BICD2: variants seen among roughly 807,000 people sequenced by gnomAD.
BICD2 encodes BICD cargo adaptor 2.
A neutral mutation model predicts 72.9 loss-of-function variants in BICD2; 25 were observed. That is an observed-to-expected ratio of 0.34 (90% CI 0.25 to 0.48). BICD2 has a LOEUF of 0.48. Ranked by LOEUF, BICD2 falls within the 20% of genes least tolerant of loss-of-function variation. BICD2 has a pLI of 0.99. For synonymous variants in BICD2, 501 were observed against 516.1 expected (o/e 0.97, Z 0.40); for missense variants, 894 against 1,175.2 (o/e 0.76, Z 3.50).
At chr9:92,744,295 C>A (rs1853961040) in intron 1 of BICD2, among the ~76,000 whole-genome samples, 1 of 152,162 alleles carries the variant, frequency 6.6e-6, no homozygotes, top group African/African-American at 2.4e-5. Context: ...AAGTACGGTG[C>A]AACTCCATCT....
intron 1 of BICD2, among the ~76,000 whole-genome samples, chr9:92,750,893 C>T (rs1854132864): frequency 6.6e-6 from 1 of 151,998 alleles, no homozygotes; most frequent in Admixed American, 6.6e-5. Flanking sequence ...GAATAAAGTA[C>T]TAACTTAAGT....
At chr9:92,755,172 G>A (rs1854230281) in intron 1 of BICD2, among the ~76,000 whole-genome samples, 1 of 152,210 alleles carries the variant, frequency 6.6e-6, no homozygotes, top group African/African-American at 2.4e-5. Context: ...GATTGCAGAG[G>A]TGAGATAGAC....
chr9:92,753,488 A>G (rs1401763820), intron 1 of BICD2, among the ~76,000 whole-genome samples: 1 of 152,196 alleles, frequency 6.6e-6, no homozygotes, highest in South Asian at 2.1e-4. Flanking sequence ...AAAATTTTCT[A>G]AAGTAGTTCA....
At chr9:92,724,859 CCTG>C in intron 2 of BICD2, among the ~76,000 whole-genome samples, 1 of 152,280 alleles carries the variant, frequency 6.6e-6, no homozygotes, top group South Asian at 2.1e-4. Flanking sequence ...TTGCCCAGTT[CCTG>C]CTTTTTCCTT....
Position 92,719,053 on chromosome 9 carries a change from C to A in BICD2, c.1592G>T (p.Ser531Ile), listed in dbSNP as rs1287163670. The A allele has an allele frequency of 3.1e-6, 5 of 1,612,894 alleles. No homozygotes were observed. Among genetic ancestry groups the A allele is most frequent in the Non-Finnish European group, 4.2e-6 (5 of 1,179,990 alleles). The stretch of plus-strand genomic sequence containing the variant: ...GTGGTAGAGATTGGCCAGCTCCTCA[C>A]TGAAGGTCACCAGCTCATCCTGGGC... The part of the protein sequence containing the change: ...SVAQDELVTF[S>I]EELANLYHHV... The change falls in exon 5 of 7, where the codon AGT (serine) becomes ATT (isoleucine). Residue 531 changes from serine to isoleucine, a missense_variant. Coordinates refer to ENST00000356884, the MANE Select transcript of BICD2 (RefSeq NM_001003800.2).
intron 1 of BICD2, among the ~76,000 whole-genome samples, chr9:92,760,259 T>C (rs932904551): frequency 6.6e-6 from 1 of 152,172 alleles, no homozygotes; most frequent in African/African-American, 2.4e-5. Context: ...ATCCACCTGC[T>C]AAGCCACAAA....
At chr9:92,757,307 G>A (rs1854279525) in intron 1 of BICD2, among the ~76,000 whole-genome samples, 4 of 81,882 alleles carry the variant, frequency 4.9e-5, no homozygotes, top group East Asian at 4.4e-4. Context: ...GAACGAGACT[G>A]TCTCCAAAAA....
In BICD2 at chr9:92,731,792, C is replaced by T. The variant is rs1853684590; in HGVS notation, c.241-2556G>A. Among the ~76,000 whole-genome samples, 3 of 152,320 alleles carry T rather than the reference C, an allele frequency of 2.0e-5. No individual in the cohort carries two copies. In the South Asian group the frequency reaches 6.2e-4, roughly 32 times the overall value. On this transcript the variant is annotated intron_variant, in intron 1 of 6. Transcript: ENST00000356884. Reference sequence around the variant, plus strand: ...AGCTGAAGAAGTCACTGAAGGACCACTGAGGGGGCAGAGAAAGCAATCCCC... The same window carrying T: ...AGCTGAAGAAGTCACTGAAGGACCATTGAGGGGGCAGAGAAAGCAATCCCC...
chr9:92,729,655 A>G, intron 1 of BICD2, among the ~76,000 whole-genome samples: 1 of 152,206 alleles, frequency 6.6e-6, no homozygotes, highest in East Asian at 1.9e-4. Flanking sequence ...GAGTCTGTCC[A>G]TCCTGCTGCC....
rs1854440624 is a variant in BICD2, at chr9:92,764,521, A to C, written c.224T>G (p.Met75Arg). The change falls in exon 1 of 7, where the codon ATG becomes AGG. Residue 75 changes from methionine (M) to arginine (R), a missense_variant. Coordinates refer to ENST00000356884, the MANE Select transcript of BICD2 (RefSeq NM_001003800.2). This position sits in a 1 kb window ranked among gnomAD's most constrained non-coding sequence, Gnocchi z 5.5. ...EVDYEAIRSE[M>R]EQLKEAFGQA... is the part of the protein sequence containing the mutation. ...TCGGCTCACCTCCTTGAGCTGCTCC[A>C]TCTCGCTGCGGATAGCCTCATAGTC... 1 of 1,535,700 alleles carries C rather than the reference A, an allele frequency of 6.5e-7. No individual in the cohort carries two copies. Among genetic ancestry groups the C allele is most frequent in the African/African-American group, 1.4e-5 (1 of 71,410 alleles).
At position 92,764,031 on chromosome 9, in the gene BICD2, G is replaced by A. The variant is rs931998699; in HGVS notation, c.240+474C>T. Among the ~76,000 whole-genome samples the A allele has an allele frequency of 3.3e-5, 5 of 152,322 alleles. No homozygotes were observed. The highest frequency in any genetic ancestry group is 6.8e-3 in the Middle Eastern group (2 of 294). On this transcript the variant is annotated intron_variant, in intron 1 of 6. Coordinates refer to ENST00000356884, the MANE Select transcript of BICD2 (RefSeq NM_001003800.2). The surrounding 1 kb of genome is among the most constrained non-coding windows in gnomAD (Gnocchi z 5.5). ...CCGAAAGTAGCTGCGCCCAGAGAGG[G>A]GAAGTGCTTTCTCTGAAGGTGACAG...
Position 92,714,803 on chromosome 9 carries a change from G to A in BICD2, c.*351C>T. On this transcript the variant is annotated 3_prime_UTR_variant, in exon 7 of 7. Coordinates refer to ENST00000356884, the MANE Select transcript of BICD2 (RefSeq NM_001003800.2). ...TCAGGTTCTGCCCCTTTTGGGTGCT[G>A]AGGGAGCAGGACCAGGACTCCTCCC... is the stretch of plus-strand genomic sequence containing the variant. 1 of 1,051,094 alleles carries A rather than the reference G, an allele frequency of 9.5e-7. No homozygotes were observed. 65.1% of individuals were successfully genotyped at this position (1,051,094 alleles called of 1,614,324 possible). A position where few individuals can be genotyped will look rare whatever the true frequency, so the allele number is the denominator to read the frequency against.
At position 92,764,729 on chromosome 9, in the gene BICD2, C is replaced by G; in HGVS notation, c.16G>C (p.Glu6Gln). 3 of 1,572,342 alleles carry G rather than the reference C, an allele frequency of 1.9e-6. No individual in the cohort carries two copies. Among genetic ancestry groups the G allele is most frequent in the Non-Finnish European group, 2.6e-6 (3 of 1,168,036 alleles). Residue 6 changes from glutamate to glutamine, a missense_variant, in exon 1 of 7, where the codon GAG (glutamate) becomes CAG (glutamine). Glu to Gln is a conservative substitution (Grantham distance 29). This residue lies in a region of BICD2 where 192 missense variants were observed against 243.6 expected (regional missense o/e 0.79). Transcript: ENST00000356884. This position sits in a 1 kb window ranked among gnomAD's most constrained non-coding sequence, Gnocchi z 5.5. MSAPS[E>Q]EEEYARLVME... The stretch of plus-strand genomic sequence containing the variant: ...ACCAGCCGCGCGTACTCCTCCTCCT[C>G]CGACGGCGCCGACATGGTGGCCGAG...
chr9:92,764,494 G>A lies in BICD2; in HGVS notation c.240+11C>T. 1.3e-6 allele frequency: 2 copies of A among 1,502,372 alleles called. No homozygotes were observed. The highest frequency in any genetic ancestry group is 1.8e-6 in the Non-Finnish European group (2 of 1,122,196). 93.1% of individuals were successfully genotyped at this position (1,502,372 alleles called of 1,614,324 possible). A position where few individuals can be genotyped will look rare whatever the true frequency, so the allele number is the denominator to read the frequency against. On this transcript the variant is annotated intron_variant, in intron 1 of 6. Transcript: ENST00000356884. This position sits in a 1 kb window ranked among gnomAD's most constrained non-coding sequence, Gnocchi z 5.5. ...CGGGCGGGGGTCGCAGGGCAGGGCG[G>A]CTCGGCTCACCTCCTTGAGCTGCTC...
At chr9:92,749,934 C>G (rs4743876) in intron 1 of BICD2, among the ~76,000 whole-genome samples, 45,512 of 152,242 alleles carry the variant, frequency 0.3, 7,712 homozygotes, top group African/African-American at 0.44. Flanking sequence ...GAGGATGGCA[C>G]AGTGGGCACA....
At chr9:92,739,424 A>T (rs1017107088) in intron 1 of BICD2, among the ~76,000 whole-genome samples, 12 of 152,074 alleles carry the variant, frequency 7.9e-5, no homozygotes, top group Non-Finnish European at 1.5e-4. Flanking sequence ...GATAAAACTC[A>T]CTTGATTACG....
chr9:92,740,825 G>A (rs1312603893), intron 1 of BICD2, among the ~76,000 whole-genome samples: 2 of 152,260 alleles, frequency 1.3e-5, no homozygotes, highest in East Asian at 1.9e-4. Flanking sequence ...GGCAACGTGA[G>A]GACTGAGCTA....
Position 92,711,574 on chromosome 9 carries a change from G to A in BICD2, c.*3580C>T, listed in dbSNP as rs1300975122. The A allele has an allele frequency of 6.6e-6, 1 of 152,282 alleles. No homozygotes were observed. Among genetic ancestry groups the A allele is most frequent in the Non-Finnish European group, 1.5e-5 (1 of 67,986 alleles). The allele number at this position is 152,282 out of a possible 1,614,324, so 9.4% of individuals were successfully genotyped here. A position where few individuals can be genotyped will look rare whatever the true frequency, so the allele number is the denominator to read the frequency against. ...ATTTGATTATTATTTTTTTGTTTGG[G>A]TCTGTGTAAAGGTTCCTTGGCAGGA... On this transcript the variant is annotated 3_prime_UTR_variant, in exon 7 of 7. Transcript: ENST00000356884.
Position 92,713,309 on chromosome 9 carries a change from T to C in BICD2, c.*1845A>G, listed in dbSNP as rs1459851403. 2.3e-6 allele frequency: 2 copies of C among 864,554 alleles called. No individual in the cohort carries two copies. The highest frequency in any genetic ancestry group is 3.6e-6 in the Non-Finnish European group (2 of 549,784). 53.6% of individuals were successfully genotyped at this position (864,554 alleles called of 1,614,324 possible). A position where few individuals can be genotyped will look rare whatever the true frequency, so the allele number is the denominator to read the frequency against. ...CCCATTAAAAACCTGGGGAATGCTA[T>C]TTTGAAAAGAATTGCAGTGGCATAT... On this transcript the variant is annotated 3_prime_UTR_variant, in exon 7 of 7. Transcript: ENST00000356884.
Sources: gnomAD v4.1 joint callset for allele counts (sites outside exome capture counted in the v4.1 genomes callset) on GRCh38, gnomAD v4.1.1 for gene constraint, gnomAD v4.1.1 regional missense constraint, Gnocchi (gnomAD v3.1) non-coding constraint, MANE v1.5 for transcripts, NCBI Gene and HGNC (gene_info 2026-07-23, HGNC 2026-07-21) for gene names.